Variants in ZSWIM5 observed in about 807,000 individuals in gnomAD.
ZSWIM5 encodes zinc finger SWIM-type containing 5.
In ZSWIM5, 55 loss-of-function variants were observed where a neutral mutation model predicts 119.6. The ratio of observed to expected loss-of-function variants is 0.46; its 90% CI spans 0.37 to 0.58. The LOEUF (loss-of-function observed/expected upper bound fraction) is 0.58. Ranked by LOEUF, ZSWIM5 falls within the 20% of genes least tolerant of loss-of-function variation. The pLI, the probability that ZSWIM5 is intolerant of heterozygous loss-of-function variation, is 0.00. For missense variants in ZSWIM5, 1,193 were observed against 1,512.8 expected (o/e 0.79, Z 3.51); for synonymous variants, 537 against 606.9 (o/e 0.88, Z 1.69).
At chr1:45,022,964 T>C (rs1292961719) in intron 11 of ZSWIM5, among the ~76,000 whole-genome samples, 1 of 152,206 alleles carries the variant, frequency 6.6e-6, no homozygotes, top group Non-Finnish European at 1.5e-5. Flanking sequence ...ACTGAGGAGT[T>C]TTTTTTCCTG....
intron 1 of ZSWIM5, among the ~76,000 whole-genome samples, chr1:45,153,503 C>A (rs1432285136): frequency 1.5e-5 from 2 of 129,344 alleles, no homozygotes; most frequent in African/African-American, 3.4e-5. Flanking sequence ...GAGACTCTGT[C>A]TCAAAAAAAA....
chr1:45,159,462 C>T (rs1645850062), intron 1 of ZSWIM5, among the ~76,000 whole-genome samples: 1 of 152,218 alleles, frequency 6.6e-6, no homozygotes, highest in South Asian at 2.1e-4. Context: ...TTTTAGCATA[C>T]AGTAACTACC....
At position 45,167,864 on chromosome 1, in the gene ZSWIM5, C is replaced by A. The variant is rs6677461; in HGVS notation, c.595+37892G>T. Among the ~76,000 whole-genome samples, 119 of 152,224 alleles carry A rather than the reference C, an allele frequency of 7.8e-4. 1 individual carries two copies. Among genetic ancestry groups the A allele is most frequent in the African/African-American group, 2.7e-3 (114 of 41,564 alleles). ...GATGTGGAGAAACAGGAACACTTTTCCACTGTTGGTGGGACTATAAACTAG... is the reference window on the plus strand; with the variant it reads ...GATGTGGAGAAACAGGAACACTTTTACACTGTTGGTGGGACTATAAACTAG... On this transcript the variant is annotated intron_variant, in intron 1 of 13. Coordinates refer to ENST00000359600, the MANE Select transcript of ZSWIM5 (RefSeq NM_020883.2).
At chr1:45,104,615 C>A (rs1427755379) in intron 1 of ZSWIM5, among the ~76,000 whole-genome samples, 1 of 152,198 alleles carries the variant, frequency 6.6e-6, no homozygotes, top group Non-Finnish European at 1.5e-5. Context: ...AAGTGAGGAG[C>A]AGTATTGTTA....
intron 1 of ZSWIM5, among the ~76,000 whole-genome samples, chr1:45,137,373 T>C (rs1365706129): frequency 2.0e-5 from 3 of 152,194 alleles, no homozygotes; most frequent in Admixed American, 1.3e-4. Flanking sequence ...AAAATATTTA[T>C]CTAGCCCTTG....
intron 5 of ZSWIM5, among the ~76,000 whole-genome samples, chr1:45,049,345 ATGAAG>A (rs1382879925): frequency 6.6e-6 from 1 of 152,194 alleles, no homozygotes; most frequent in African/African-American, 2.4e-5. Flanking sequence ...AGAAATGACT[ATGAAG>A]AATAGGCAGG....
At chr1:45,131,993 T>C (rs978329976) in intron 1 of ZSWIM5, among the ~76,000 whole-genome samples, 12 of 150,922 alleles carry the variant, frequency 8.0e-5, no homozygotes, top group African/African-American at 2.9e-4. Flanking sequence ...TAACTGAAAC[T>C]TGACGGATAC....
intron 2 of ZSWIM5, chr1:45,070,289 T>C (rs1570056004): frequency 6.9e-7 from 1 of 1,456,496 alleles, no homozygotes; most frequent in East Asian, 2.3e-5. Context: ...CATAAATTAT[T>C]CCTCTGGTGA....
chr1:45,202,581 C>T lies in ZSWIM5; in HGVS notation c.595+3175G>A, dbSNP rs192710321. Among the ~76,000 whole-genome samples the T allele has an allele frequency of 1.8e-3, 270 of 152,094 alleles. 4 individuals carry two copies. The highest frequency in any genetic ancestry group is 6.8e-3 in the Middle Eastern group (2 of 294). On this transcript the variant is annotated intron_variant, in intron 1 of 13. Transcript: ENST00000359600. ...AAACTATGGGGTTTTGTTGAAGTCACCTGTCAAAATCTACTTAAAATTTCT... is the reference window on the plus strand; with the variant it reads ...AAACTATGGGGTTTTGTTGAAGTCATCTGTCAAAATCTACTTAAAATTTCT...
chr1:45,206,525 G>A lies in ZSWIM5; in HGVS notation c.-175C>T. ...GGGAACCGCGGCCGGGCCCGGGAGC[G>A]CGCCGCGAGGGCAGACGCGGGCGGC... On this transcript the variant is annotated 5_prime_UTR_variant, in exon 1 of 14. Coordinates refer to ENST00000359600, the MANE Select transcript of ZSWIM5 (RefSeq NM_020883.2). The A allele has an allele frequency of 9.6e-7, 1 of 1,046,670 alleles. No individual in the cohort carries two copies. Among genetic ancestry groups the A allele is most frequent in the Non-Finnish European group, 1.1e-6 (1 of 871,850 alleles). The allele number at this position is 1,046,670 out of a possible 1,614,324, so 64.8% of individuals were successfully genotyped here. A position where few individuals can be genotyped will look rare whatever the true frequency, so the allele number is the denominator to read the frequency against.
chr1:45,119,572 T>A (rs1178563270), intron 1 of ZSWIM5, among the ~76,000 whole-genome samples: 1 of 152,212 alleles, frequency 6.6e-6, no homozygotes, highest in Non-Finnish European at 1.5e-5. Context: ...CTTAGAAGCA[T>A]GCTAAAGAAA....
intron 1 of ZSWIM5, among the ~76,000 whole-genome samples, chr1:45,112,705 A>G (rs1041915051): frequency 2.0e-5 from 3 of 152,196 alleles, no homozygotes. Flanking sequence ...GACTCTGACT[A>G]CTATGCCTAT....
At chr1:45,097,031 G>A (rs1309375797) in intron 1 of ZSWIM5, among the ~76,000 whole-genome samples, 1 of 152,154 alleles carries the variant, frequency 6.6e-6, no homozygotes, top group East Asian at 1.9e-4. Flanking sequence ...CTTTGCAGGT[G>A]GTCCTTGCAA....
chr1:45,083,777 G>C (rs137917189), intron 2 of ZSWIM5, among the ~76,000 whole-genome samples: 94 of 152,344 alleles, frequency 6.2e-4, no homozygotes, highest in African/African-American at 2.2e-3. Flanking sequence ...TTGGCTCACT[G>C]TTCCACAAGA....
At chr1:45,109,261 C>T (rs934679214) in intron 1 of ZSWIM5, among the ~76,000 whole-genome samples, 1 of 152,196 alleles carries the variant, frequency 6.6e-6, no homozygotes, top group Non-Finnish European at 1.5e-5. Flanking sequence ...GTTGTATATA[C>T]ATTCACATCA....
At chr1:45,176,518 G>T (rs1477429522) in intron 1 of ZSWIM5, among the ~76,000 whole-genome samples, 1 of 152,084 alleles carries the variant, frequency 6.6e-6, no homozygotes, top group African/African-American at 2.4e-5. Context: ...ACCCGCCTTG[G>T]CCTCCCAAAG....
At chr1:45,196,034 G>GTTTTT (rs34236930) in intron 1 of ZSWIM5, among the ~76,000 whole-genome samples, 12 of 103,910 alleles carry the variant, frequency 1.2e-4, no homozygotes, top group Non-Finnish European at 1.8e-4. Context: ...CACCCAGCTA[G>GTTTTT]TTTTTTTTTT....
intron 2 of ZSWIM5, among the ~76,000 whole-genome samples, chr1:45,086,940 G>T (rs1645334252): frequency 6.9e-6 from 1 of 145,018 alleles, no homozygotes. Flanking sequence ...CTGGAGTGCA[G>T]TGGCGTGATC....
intron 1 of ZSWIM5, among the ~76,000 whole-genome samples, chr1:45,204,846 G>A (rs1300463221): frequency 6.6e-6 from 1 of 152,026 alleles, no homozygotes; most frequent in Non-Finnish European, 1.5e-5. Flanking sequence ...TTTCCACATA[G>A]CAAAGTCAAT....
Sources: allele counts gnomAD v4.1 joint callset (sites outside exome capture counted in the v4.1 genomes callset), GRCh38; gene constraint gnomAD v4.1.1; transcripts MANE v1.5; gene names NCBI Gene and HGNC (gene_info 2026-07-23, HGNC 2026-07-21).